KDM5D: variants seen among roughly 807,000 people sequenced by gnomAD.
KDM5D encodes the protein lysine-specific demethylase 5D.
Under a neutral mutation model 31.9 loss-of-function variants are expected in KDM5D, and 25 were observed. That is an observed-to-expected ratio of 0.78 (90% CI 0.57 to 1.09). KDM5D has a LOEUF of 1.09. KDM5D is among the 50% of genes least tolerant of loss of function. The pLI is 0.00. For missense variants in KDM5D, 366 were observed against 341.6 expected, an observed-to-expected ratio of 1.07 and a Z score of -0.56; for synonymous variants, 146 against 122.3, an observed-to-expected ratio of 1.19 and a Z score of -1.28.
intron 11 of KDM5D, among the ~76,000 whole-genome samples, chrY:19,724,971 A>G (rs888490941): frequency 3.0e-5 from 1 of 33,121 alleles, no homozygotes; most frequent in Non-Finnish European, 7.4e-5. Context: ...TGCTACAAAG[A>G]TAATAAAATA....
intron 11 of KDM5D, among the ~76,000 whole-genome samples, chrY:19,728,534 A>G (rs771459792): frequency 3.2e-5 from 1 of 31,710 alleles, no homozygotes; most frequent in East Asian, 8.6e-4. Context: ...AATTTTTTGT[A>G]TTTTTAATAG....
chrY:19,710,180 G>A (rs2045285844), intron 19 of KDM5D, 196 bp downstream of exon 19: 2 of 366,629 alleles, frequency 5.5e-6, no homozygotes. Context: ...AATTATTTCA[G>A]TCTGGAAGGA....
chrY:19,728,765 T>C (rs2045452371), intron 11 of KDM5D, among the ~76,000 whole-genome samples: 1 of 33,136 alleles, frequency 3.0e-5, no homozygotes, highest in Admixed American at 2.8e-4. Flanking sequence ...ATATGCAGTA[T>C]AAAAACAAAA....
chrY:19,718,807 G>A (rs2045367371), intron 13 of KDM5D, among the ~76,000 whole-genome samples: 1 of 33,975 alleles, frequency 2.9e-5, no homozygotes, highest in Non-Finnish European at 7.3e-5. Context: ...GGGATAATAC[G>A]ATTTTCAGAG....
At chrY:19,743,468 G>GA (rs549669667) in intron 2 of KDM5D, among the ~76,000 whole-genome samples, 27 of 12,967 alleles carry the variant, frequency 2.1e-3, no homozygotes, top group Middle Eastern at 0.067. Context: ...CGTAACAGAC[G>GA]AAAAAAAAAA....
intron 11 of KDM5D, among the ~76,000 whole-genome samples, chrY:19,727,399 C>T: frequency 6.0e-5 from 2 of 33,606 alleles, no homozygotes; most frequent in Non-Finnish European, 1.5e-4. Context: ...TACTTGAAAA[C>T]ACAACTATTC....
chrY:19,706,592 A>C lies in KDM5D; in HGVS notation c.4118T>G (p.Leu1373Trp). ...SLLPQLTGPV[L>W]ELPEAIRAPL... ...AGCCCGGATTGCCTCAGGCAGCTCCAACACAGGGCCAGTCAACTGCGGCAA... is the reference window on the plus strand; with the variant it reads ...AGCCCGGATTGCCTCAGGCAGCTCCCACACAGGGCCAGTCAACTGCGGCAA... The change falls in exon 26 of 27, where the codon TTG becomes TGG. Residue 1373 changes from leucine (L) to tryptophan (W), a missense_variant. Coordinates refer to ENST00000317961, the MANE Select transcript of KDM5D (RefSeq NM_004653.5). 2.5e-6 allele frequency: 1 copy of C among 399,025 alleles called. No homozygotes were observed. The highest frequency in any genetic ancestry group is 9.2e-5 in the East Asian group (1 of 10,857).
At chrY:19,710,532 A>G in intron 18 of KDM5D, 60 bp from the exon 19 acceptor site, 1 of 222,987 alleles carries the variant, frequency 4.5e-6, no homozygotes, top group Non-Finnish European at 7.7e-6. Flanking sequence ...GAGACTTTTA[A>G]TATACTTCCT....
chrY:19,731,648 T>G, intron 11 of KDM5D, 124 bp downstream of exon 11: 1 of 178,651 alleles, frequency 5.6e-6, no homozygotes, highest in South Asian at 4.4e-5. Context: ...ACCAGTATCA[T>G]CAAACCTCAT....
At chrY:19,718,277 A>C (rs2045363870) in intron 13 of KDM5D, among the ~76,000 whole-genome samples, 1 of 34,424 alleles carries the variant, frequency 2.9e-5, no homozygotes, top group Non-Finnish European at 7.3e-5. Context: ...TCACAGTAGA[A>C]ATATTCACAA....
intron 11 of KDM5D, among the ~76,000 whole-genome samples, chrY:19,730,499 C>T (rs2045464805): frequency 3.0e-5 from 1 of 33,237 alleles, no homozygotes; most frequent in Non-Finnish European, 7.5e-5. Context: ...AGAAACAGAC[C>T]AAAGTTACCA....
chrY:19,726,162 A>G, intron 11 of KDM5D, among the ~76,000 whole-genome samples: 1 of 33,619 alleles, frequency 3.0e-5, no homozygotes, highest in South Asian at 6.7e-4. Context: ...ATCTAGAACT[A>G]GAAATACCAT....
chrY:19,716,077 T>G, intron 15 of KDM5D, 73 bp from the exon 16 acceptor site: 1 of 283,055 alleles, frequency 3.5e-6, no homozygotes, highest in Non-Finnish European at 5.4e-6. Context: ...CAGCCAACAC[T>G]GAGCCCTGAT....
chrY:19,740,382 C>A (rs980317742), intron 5 of KDM5D, among the ~76,000 whole-genome samples: 15 of 32,053 alleles, frequency 4.7e-4, no homozygotes, highest in South Asian at 7.2e-4. Context: ...TCCTGGCCAA[C>A]ATGGTGAAAC....
Position 19,716,309 on chromosome Y carries a change from C to T in KDM5D, c.2001G>A (p.Glu667=). 1 of 399,052 alleles carries T rather than the reference C, an allele frequency of 2.5e-6. No homozygotes were observed. Among genetic ancestry groups the T allele is most frequent in the African/African-American group, 6.1e-5 (1 of 16,376 alleles). The change falls in exon 15 of 27, where the codon GAG becomes GAA. Residue 667 remains glutamate, a synonymous_variant. Transcript: ENST00000317961. ...HKEMFIMVQE[E]RRLRKALLEK... is the part of the protein sequence containing the mutation. ...CCAAAAGGGCCTTTCGTAGACGTCG[C>T]TCCTCCTGAACCATAATGAACATCT... is the stretch of plus-strand genomic sequence containing the variant.
intron 3 of KDM5D, 113 bp downstream of exon 3, chrY:19,743,049 G>C: frequency 5.5e-6 from 1 of 181,274 alleles, no homozygotes; most frequent in Non-Finnish European, 1.0e-5. Context: ...GTGGAGTTCG[G>C]GTTCAAATTC....
chrY:19,723,227 A>G (rs2045407490), intron 11 of KDM5D: 3 of 34,413 alleles, frequency 8.7e-5, no homozygotes, highest in Non-Finnish European at 2.1e-4. Context: ...AGGGCTTCCT[A>G]TTCAATAAAT....
chrY:19,726,314 T>C (rs2045431750), intron 11 of KDM5D, among the ~76,000 whole-genome samples: 2 of 33,695 alleles, frequency 5.9e-5, no homozygotes, highest in Non-Finnish European at 1.5e-4. Flanking sequence ...CCATCAATGA[T>C]AGACTGGATT....
At chrY:19,741,967 G>A (rs112779735) in intron 3 of KDM5D, 110 bp from the exon 4 acceptor site, 7,659 of 169,144 alleles carry the variant, frequency 0.045, no homozygotes, top group Middle Eastern at 0.24. Context: ...CTCCACCAAC[G>A]TGCCGGAGCC....
Sources: allele counts gnomAD v4.1 joint callset (sites outside exome capture counted in the v4.1 genomes callset), GRCh38; gene constraint gnomAD v4.1.1; transcripts MANE v1.5; gene names NCBI Gene and HGNC (gene_info 2026-07-23, HGNC 2026-07-21).